PUM2: variants seen among roughly 807,000 people sequenced by gnomAD.
PUM2 encodes pumilio RNA binding family member 2, also known as pumilio homolog 2.
PUM2 carries 57 observed loss-of-function variants against 124.5 expected under a neutral mutation model. The observed-to-expected ratio is 0.46, with a 90% CI of 0.37 to 0.57. The LOEUF (loss-of-function observed/expected upper bound fraction) is 0.57. Ranked by LOEUF, PUM2 falls within the 20% of genes least tolerant of loss-of-function variation. The pLI is 0.00. For synonymous variants in PUM2, 460 were observed against 446.1 expected (o/e 1.03, Z -0.39); for missense variants, 1,065 against 1,290.6 (o/e 0.83, Z 2.68).
chr2:20,329,397 A>C (rs1348386065), intron 1 of PUM2, among the ~76,000 whole-genome samples: 1 of 149,488 alleles, frequency 6.7e-6, no homozygotes, highest in East Asian at 1.9e-4. Flanking sequence ...GTACCACTGC[A>C]CTCCAGCCTG....
At chr2:20,275,249 T>C (rs1396445941) in intron 13 of PUM2, among the ~76,000 whole-genome samples, 1 of 152,030 alleles carries the variant, frequency 6.6e-6, no homozygotes, top group Non-Finnish European at 1.5e-5. Flanking sequence ...ATAAAATTGA[T>C]GTCTTACACT....
rs545718263 is a variant in PUM2 at position 20,249,347 on chromosome 2, G to A, written c.*2238C>T. 9.8e-5 allele frequency: 15 copies of A among 152,574 alleles called. No individual in the cohort carries two copies. The highest frequency in any genetic ancestry group is 3.6e-4 in the African/African-American group (15 of 41,454). The allele number at this position is 152,574 out of a possible 1,614,324, so 9.5% of individuals were successfully genotyped here. ...TACGGGCCGAAATACTCTGAGGTTG[G>A]TAAAGTAGGAAAAAGTGAGACAGCG... is the stretch of plus-strand genomic sequence containing the variant. On this transcript the variant is annotated 3_prime_UTR_variant, in exon 21 of 21. Transcript: ENST00000361078.
intron 20 of PUM2, among the ~76,000 whole-genome samples, chr2:20,253,362 T>C (rs955120485): frequency 7.9e-5 from 12 of 152,136 alleles, no homozygotes; most frequent in Admixed American, 6.5e-4. Context: ...TGTATCGTCA[T>C]ACCCAGCTAA....
At chr2:20,320,206 G>C (rs572643055) in intron 2 of PUM2, among the ~76,000 whole-genome samples, 1 of 151,994 alleles carries the variant, frequency 6.6e-6, no homozygotes, top group South Asian at 2.1e-4. Context: ...TGGAGGTTGC[G>C]CCACTGCACT....
At chr2:20,315,779 G>T (rs1043449751) in intron 3 of PUM2, among the ~76,000 whole-genome samples, 5 of 142,764 alleles carry the variant, frequency 3.5e-5, no homozygotes, top group African/African-American at 1.3e-4. Flanking sequence ...TCGGCAACAT[G>T]GTGAAACCCC....
At chr2:20,272,476 G>C (rs761281517) in intron 13 of PUM2, among the ~76,000 whole-genome samples, 6 of 152,272 alleles carry the variant, frequency 3.9e-5, no homozygotes, top group Middle Eastern at 3.4e-3. Flanking sequence ...TTGGTCATTA[G>C]GTATCTAAAT....
chr2:20,269,326 G>C (rs1318279129), intron 13 of PUM2, among the ~76,000 whole-genome samples: 1 of 151,804 alleles, frequency 6.6e-6, no homozygotes, highest in South Asian at 2.1e-4. Context: ...TCAGCCTCCC[G>C]AGTAGCTGGG....
chr2:20,293,086 A>G (rs958464585), intron 9 of PUM2, among the ~76,000 whole-genome samples: 1 of 152,226 alleles, frequency 6.6e-6, no homozygotes. Flanking sequence ...CTGCTTTTAA[A>G]CATATTTTTA....
intron 13 of PUM2, among the ~76,000 whole-genome samples, chr2:20,271,231 A>T (rs1668940538): frequency 6.6e-6 from 1 of 152,230 alleles, no homozygotes; most frequent in Admixed American, 6.5e-5. Context: ...ATAAAATAGC[A>T]ATTACTTTCA....
At chr2:20,290,882 T>G (rs1673906209) in intron 9 of PUM2, 92 bp from the exon 10 acceptor site, 2 of 1,036,794 alleles carry the variant, frequency 1.9e-6, no homozygotes, top group Non-Finnish European at 2.6e-6. Flanking sequence ...ACAAACAGCC[T>G]TTGGATATTT....
Position 20,248,783 on chromosome 2 carries a change from TAC to T in PUM2, c.*2800_*2801del, listed in dbSNP as rs1662587763. ...CACACATTTTTCATTTTCTAATTTATACATAATATACAAAGAAGTGAAGTTAA... is the reference window on the plus strand; with the variant it reads ...CACACATTTTTCATTTTCTAATTTATATAATATACAAAGAAGTGAAGTTAA... On this transcript the variant is annotated 3_prime_UTR_variant, in exon 21 of 21. Transcript: ENST00000361078. The T allele has an allele frequency of 6.6e-6, 1 of 152,654 alleles. No individual in the cohort carries two copies. The highest frequency in any genetic ancestry group is 1.5e-5 in the Non-Finnish European group (1 of 68,032). 9.5% of individuals were successfully genotyped at this position (152,654 alleles called of 1,614,324 possible). A position where few individuals can be genotyped will look rare whatever the true frequency, so the allele number is the denominator to read the frequency against.
chr2:20,253,695 G>C lies in PUM2; in HGVS notation c.3063+127C>G, dbSNP rs189277955. Reference sequence around the variant, plus strand: ...AAACCATACCAATATATCTGCCAAAGGATATCCATCGATTTTAATTTTTCC... The same window carrying C: ...AAACCATACCAATATATCTGCCAAACGATATCCATCGATTTTAATTTTTCC... On this transcript the variant is annotated intron_variant, in intron 20 of 20. Coordinates refer to ENST00000361078, the MANE Select transcript of PUM2 (RefSeq NM_015317.5). 18 of 879,606 alleles carry C rather than the reference G, an allele frequency of 2.0e-5. No individual in the cohort carries two copies. In the East Asian group the frequency reaches 4.9e-4, roughly 24 times the overall value. The allele number at this position is 879,606 out of a possible 1,614,324, so 54.5% of individuals were successfully genotyped here.
upstream of PUM2, among the ~76,000 whole-genome samples, chr2:20,351,333 C>T (rs1301184092): frequency 6.6e-6 from 1 of 152,184 alleles, no homozygotes; most frequent in African/African-American, 2.4e-5. Context: ...TCACTCTGTA[C>T]CTCCCCACAA....
chr2:20,350,946 G>T, upstream of PUM2: 1 of 247,114 alleles, frequency 4.0e-6, no homozygotes, highest in Non-Finnish European at 6.4e-6. Flanking sequence ...CCCTGCTCCC[G>T]CGCTGCCGCC....
chr2:20,348,272 T>C (rs966575114), intron 1 of PUM2, among the ~76,000 whole-genome samples: 7 of 152,134 alleles, frequency 4.6e-5, no homozygotes, highest in African/African-American at 1.7e-4. Context: ...TCACACCTGT[T>C]AGTAAAATGG....
chr2:20,264,576 T>C (rs1276855357), intron 13 of PUM2, among the ~76,000 whole-genome samples: 1 of 151,560 alleles, frequency 6.6e-6, no homozygotes, highest in Non-Finnish European at 1.5e-5. Flanking sequence ...TTTTTAAAAT[T>C]ACAATTAACA....
In PUM2 at chr2:20,297,556, C is replaced by T. The variant is rs759299083; in HGVS notation, c.1006G>A (p.Ala336Thr). The T allele has an allele frequency of 7.5e-6, 12 of 1,602,654 alleles. No homozygotes were observed. Among genetic ancestry groups the T allele is most frequent in the Admixed American group, 1.7e-5 (1 of 58,884 alleles). The change falls in exon 8 of 21, where the codon GCA becomes ACA. Residue 336 changes from alanine (A) to threonine (T), a missense_variant. Ala to Thr is a moderately conservative substitution (Grantham distance 58). Coordinates refer to ENST00000361078, the MANE Select transcript of PUM2 (RefSeq NM_015317.5). ...AGATGAACAAATAGTATGTTACCTGCTAATGTAGCTGCTGCAGCCAATCCT... is the reference window on the plus strand; with the variant it reads ...AGATGAACAAATAGTATGTTACCTGTTAATGTAGCTGCTGCAGCCAATCCT... ...AAGLAAAATL[A>T]GPAVVPPQYY...
At chr2:20,263,579 G>T (rs1666815676) in intron 13 of PUM2, 119 bp from the exon 14 acceptor site, 5 of 1,203,594 alleles carry the variant, frequency 4.2e-6, no homozygotes, top group African/African-American at 1.5e-5. Flanking sequence ...ATTCCTACTT[G>T]TTATGACAGA....
chr2:20,269,922 C>T (rs1053074793), intron 13 of PUM2, among the ~76,000 whole-genome samples: 1 of 152,146 alleles, frequency 6.6e-6, no homozygotes, highest in Admixed American at 6.5e-5. Flanking sequence ...TAAGTAATAA[C>T]ATACTTAGTT....
Sources: gnomAD v4.1 joint callset for allele counts (sites outside exome capture counted in the v4.1 genomes callset) on GRCh38, gnomAD v4.1.1 for gene constraint, MANE v1.5 for transcripts, NCBI Gene and HGNC (gene_info 2026-07-23, HGNC 2026-07-21) for gene names.